The following CSMD1 variants were observed in gnomAD, a reference collection of about 807,000 sequenced individuals.
CSMD1 encodes CUB and sushi domain-containing protein 1.
Under a neutral mutation model 417.5 loss-of-function variants are expected in CSMD1, and 213 were observed. The observed-to-expected ratio is 0.51, with a 90% CI of 0.46 to 0.57. The LOEUF (loss-of-function observed/expected upper bound fraction) is 0.57, where lower values mean the gene tolerates loss of function less well. CSMD1 is among the 20% of genes least tolerant of loss of function. The probability of loss-of-function intolerance (pLI) is 0.00; values close to 1 mark genes in which losing one functional copy is unlikely to be tolerated. For synonymous variants in CSMD1, 2,862 were observed against 1,736.8 expected (o/e 1.65, Z -16.11); for missense variants, 6,923 against 4,529.7 (o/e 1.53, Z -15.17).
intron 3 of CSMD1, among the ~76,000 whole-genome samples, chr8:4,139,572 C>A (rs540804970): frequency 6.6e-6 from 1 of 151,174 alleles, no homozygotes; most frequent in South Asian, 2.1e-4. Flanking sequence ...GCTCCCTGAG[C>A]TGCCTATGGA....
chr8:4,225,576 T>C (rs564805517), intron 3 of CSMD1, among the ~76,000 whole-genome samples: 1 of 151,744 alleles, frequency 6.6e-6, no homozygotes, highest in South Asian at 2.1e-4. Context: ...AGAGCCTAAA[T>C]ACATCACATT....
At chr8:4,720,041 A>C (rs747332473) in intron 1 of CSMD1, among the ~76,000 whole-genome samples, 5 of 152,064 alleles carry the variant, frequency 3.3e-5, no homozygotes, top group Non-Finnish European at 5.9e-5. Context: ...AAATATTTTA[A>C]AGAAATTATT....
At chr8:3,171,976 G>A (rs1420266182) in intron 37 of CSMD1, among the ~76,000 whole-genome samples, 1 of 152,044 alleles carries the variant, frequency 6.6e-6, no homozygotes, top group Admixed American at 6.6e-5. Context: ...GTTTCCAAAG[G>A]CTAGACTTAC....
chr8:3,381,484 T>C (rs1439988637), intron 18 of CSMD1, among the ~76,000 whole-genome samples: 2 of 152,200 alleles, frequency 1.3e-5, no homozygotes, highest in Non-Finnish European at 2.9e-5. Flanking sequence ...ATCAAACAGA[T>C]TCAAGTTCAG....
In CSMD1 at chr8:4,734,066, G is replaced by C. The variant is rs375043792; in HGVS notation, c.86-96508C>G. 4.6e-5 allele frequency among the ~76,000 whole-genome samples: 7 copies of C among 152,208 alleles called. No homozygotes were observed. The South Asian group carries it at 6.2e-4, about 14-fold the overall frequency. Reference sequence around the variant, plus strand: ...TCTTAACATATTTGGAGAAACTGAGGTGACAAGTTATTTTTTATTGCATTG... The same window carrying C: ...TCTTAACATATTTGGAGAAACTGAGCTGACAAGTTATTTTTTATTGCATTG... On this transcript the variant is annotated intron_variant, in intron 1 of 69. Transcript: ENST00000635120.
chr8:4,709,338 G>A (rs189742160), intron 1 of CSMD1, among the ~76,000 whole-genome samples: 1 of 152,124 alleles, frequency 6.6e-6, no homozygotes, highest in Non-Finnish European at 1.5e-5. Flanking sequence ...CCTCTGTGTT[G>A]GATTGGGGGA....
At chr8:3,865,233 C>G (rs1359233008) in intron 5 of CSMD1, among the ~76,000 whole-genome samples, 1 of 152,206 alleles carries the variant, frequency 6.6e-6, no homozygotes, top group Non-Finnish European at 1.5e-5. Flanking sequence ...CATCTCTGTC[C>G]TCAACTACCA....
chr8:3,682,279 T>A (rs6996177), intron 7 of CSMD1, among the ~76,000 whole-genome samples: 69,334 of 151,944 alleles, frequency 0.46, 16,294 homozygotes, highest in Admixed American at 0.57. Flanking sequence ...ATAAAATTTT[T>A]GCAATCTACT....
intron 27 of CSMD1, among the ~76,000 whole-genome samples, chr8:3,228,673 A>G (rs943440773): frequency 4.6e-5 from 7 of 152,154 alleles, no homozygotes; most frequent in African/African-American, 1.7e-4. Flanking sequence ...TTTTATAATT[A>G]CATGTTCAAA....
chr8:3,520,039 T>C (rs551886883), intron 10 of CSMD1, among the ~76,000 whole-genome samples: 71 of 147,150 alleles, frequency 4.8e-4, no homozygotes, highest in African/African-American at 7.7e-4. Context: ...TATATATATA[T>C]ACACGTATAG....
chr8:4,577,055 G>A (rs1382972592), intron 2 of CSMD1, among the ~76,000 whole-genome samples: 4 of 151,930 alleles, frequency 2.6e-5, no homozygotes, highest in South Asian at 2.1e-4. Flanking sequence ...CTTTGATTAC[G>A]AACAGGCCAA....
intron 67 of CSMD1, among the ~76,000 whole-genome samples, chr8:2,949,937 G>A (rs780122349): frequency 1.3e-5 from 2 of 152,166 alleles, no homozygotes; most frequent in African/African-American, 2.4e-5. Context: ...CACCACTCAC[G>A]ATATAACGTA....
chr8:4,895,382 G>A (rs1204799139), intron 1 of CSMD1, among the ~76,000 whole-genome samples: 1 of 152,072 alleles, frequency 6.6e-6, no homozygotes. Flanking sequence ...TCAGTATGAT[G>A]CACCAAACAC....
At chr8:4,646,015 C>T (rs997731829) in intron 1 of CSMD1, among the ~76,000 whole-genome samples, 4 of 152,164 alleles carry the variant, frequency 2.6e-5, no homozygotes, top group Non-Finnish European at 4.4e-5. Context: ...TTCACGATTC[C>T]CAGATCTCAC....
chr8:3,495,393 A>T (rs1381451743), intron 10 of CSMD1, among the ~76,000 whole-genome samples: 3 of 151,742 alleles, frequency 2.0e-5, no homozygotes, highest in Non-Finnish European at 4.4e-5. Flanking sequence ...TGTTTGGCTG[A>T]TTTGCAATGT....
intron 5 of CSMD1, among the ~76,000 whole-genome samples, chr8:3,821,183 G>C (rs973093046): frequency 1.3e-5 from 2 of 152,148 alleles, no homozygotes; most frequent in Non-Finnish European, 2.9e-5. Context: ...CTCCCAAACT[G>C]TGGGGATTAC....
chr8:4,883,901 A>T (rs1039856827), intron 1 of CSMD1, among the ~76,000 whole-genome samples: 10 of 152,040 alleles, frequency 6.6e-5, no homozygotes, highest in Admixed American at 6.5e-4. Flanking sequence ...ATTTTGAGGA[A>T]CTGCCAGACT....
At chr8:4,277,022 G>T (rs58423699) in intron 3 of CSMD1, among the ~76,000 whole-genome samples, 3,740 of 151,996 alleles carry the variant, frequency 0.025, 155 homozygotes, top group African/African-American at 0.083. Flanking sequence ...TCAGAGAAAG[G>T]TCAAAAAAAT....
At chr8:4,369,003 G>C (rs899368473) in intron 3 of CSMD1, among the ~76,000 whole-genome samples, 5 of 152,088 alleles carry the variant, frequency 3.3e-5, no homozygotes, top group African/African-American at 9.6e-5. Context: ...GGGATGGTTT[G>C]CTCTGGTTTT....
Sources: allele counts gnomAD v4.1 joint callset (sites outside exome capture counted in the v4.1 genomes callset), GRCh38; gene constraint gnomAD v4.1.1; transcripts MANE v1.5; gene names NCBI Gene and HGNC (gene_info 2026-07-23, HGNC 2026-07-21).